Variants in DMD observed in about 807,000 individuals in gnomAD.
DMD encodes mutant dystrophin.
DMD carries 63 observed loss-of-function variants against 330.1 expected under a neutral mutation model. The ratio of observed to expected loss-of-function variants is 0.19; its 90% CI spans 0.16 to 0.24. The LOEUF is 0.24. Ranked by LOEUF, DMD falls within the 10% of genes least tolerant of loss-of-function variation. The pLI is 1.00. For missense variants in DMD, 3,344 were observed against 2,684.1 expected, an observed-to-expected ratio of 1.25 and a Z score of -5.43; for synonymous variants, 1,223 against 959.8, an observed-to-expected ratio of 1.27 and a Z score of -5.07.
rs139668163 is a variant in DMD, at chrX:32,624,800, C to G, written c.1332-10347G>C. On this transcript the variant is annotated intron_variant, in intron 11 of 78. Transcript: ENST00000357033. ...TTACTCGAGAGCTGTCATCCCACCC[C>G]CGGACATGAAAACGTATCTGTATGA... 3.8e-4 allele frequency among the ~76,000 whole-genome samples: 43 copies of G among 112,100 alleles called. No individual in the cohort carries two copies. The East Asian group carries it at 7.9e-3, about 21-fold the overall frequency.
At chrX:31,763,717 C>T (rs2089794639) in intron 51 of DMD, among the ~76,000 whole-genome samples, 1 of 112,010 alleles carries the variant, frequency 8.9e-6, no homozygotes, top group Admixed American at 9.5e-5. Context: ...TATTAATCAA[C>T]TTTAAGGAGT....
chrX:32,363,826 T>C (rs1170140395), intron 36 of DMD, among the ~76,000 whole-genome samples: 4 of 111,931 alleles, frequency 3.6e-5, no homozygotes, highest in Non-Finnish European at 7.5e-5. Context: ...AACTAATCAA[T>C]AAATTTATCA....
At position 32,586,450 on chromosome X, in the gene DMD, T is replaced by C. The variant is rs1323645612; in HGVS notation, c.1602+9307A>G. ...GGACAGGTGCTAAAATAAATAAATA[T>C]ATATGTTTATATTATATATATTTGT... On this transcript the variant is annotated intron_variant, in intron 13 of 78. Transcript: ENST00000357033. 5.5e-5 allele frequency among the ~76,000 whole-genome samples: 6 copies of C among 108,473 alleles called. No homozygotes were observed. In the Admixed American group the frequency reaches 5.9e-4, roughly 11 times the overall value. The allele number at this position is 108,473 out of a possible 115,157, so 94.2% of individuals were successfully genotyped here.
chrX:33,079,887 T>G (rs968003006), intron 1 of DMD, among the ~76,000 whole-genome samples: 2 of 111,685 alleles, frequency 1.8e-5, no homozygotes, highest in African/African-American at 6.5e-5. Flanking sequence ...TAACTGAATT[T>G]GTCTCTTCTC....
chrX:32,759,025 T>G (rs894565652), intron 7 of DMD, among the ~76,000 whole-genome samples: 5 of 110,612 alleles, frequency 4.5e-5, no homozygotes, highest in African/African-American at 6.6e-5. Context: ...ATACTCATTT[T>G]ATCTTATCCA....
intron 44 of DMD, among the ~76,000 whole-genome samples, chrX:32,097,956 C>A (rs2096519678): frequency 9.0e-6 from 1 of 111,110 alleles, no homozygotes; most frequent in Non-Finnish European, 1.9e-5. Flanking sequence ...CTTTGCACAT[C>A]TTCTTTACAA....
chrX:31,341,891 G>GCGCGCACACACACA (rs374298104), intron 61 of DMD, among the ~76,000 whole-genome samples: 2 of 98,876 alleles, frequency 2.0e-5, no homozygotes, highest in African/African-American at 7.3e-5. Flanking sequence ...GTGCGCGCGC[G>GCGCGCACACACACA]CACACACACA....
intron 55 of DMD, among the ~76,000 whole-genome samples, chrX:31,621,593 A>G: frequency 8.9e-6 from 1 of 111,941 alleles, no homozygotes; most frequent in South Asian, 3.8e-4. Context: ...TGCATTTTAC[A>G]TATATCTTAT....
chrX:31,440,494 G>A (rs966813251), intron 60 of DMD, among the ~76,000 whole-genome samples: 2 of 111,927 alleles, frequency 1.8e-5, no homozygotes, highest in Admixed American at 9.5e-5. Flanking sequence ...TTGAGAAGAG[G>A]AGACAAAAAG....
intron 55 of DMD, among the ~76,000 whole-genome samples, chrX:31,596,367 A>G (rs745354020): frequency 1.8e-5 from 2 of 112,203 alleles, no homozygotes; most frequent in South Asian, 7.4e-4. Flanking sequence ...AAGCATAAGG[A>G]AAGTTCATGT....
At chrX:33,267,144 T>C (rs1366931457) in intron 1 of DMD, among the ~76,000 whole-genome samples, 2 of 110,282 alleles carry the variant, frequency 1.8e-5, no homozygotes, top group African/African-American at 6.6e-5. Context: ...TTTAACGAGG[T>C]TTCAAGATAT....
At position 32,128,119 on chromosome X, in the gene DMD, A is replaced by C. The variant is rs1039206339; in HGVS notation, c.6438+88797T>G. 4.4e-5 allele frequency among the ~76,000 whole-genome samples: 5 copies of C among 112,568 alleles called. No homozygotes were observed. In the East Asian group the frequency reaches 1.4e-3, roughly 31 times the overall value. On this transcript the variant is annotated intron_variant, in intron 44 of 78. Transcript: ENST00000357033. ...CTTTCTATATAGGTATACTTTTTAC[A>C]TGCATTAATTTCACTGTAAAACAAG...
intron 54 of DMD, among the ~76,000 whole-genome samples, chrX:31,632,267 G>T (rs2079173033): frequency 9.0e-6 from 1 of 111,613 alleles, no homozygotes; most frequent in African/African-American, 3.3e-5. Flanking sequence ...TAAGCCTAAA[G>T]AGCTTAATTA....
chrX:31,231,707 C>T (rs1168510830), intron 63 of DMD, among the ~76,000 whole-genome samples: 1 of 112,058 alleles, frequency 8.9e-6, no homozygotes, highest in Non-Finnish European at 1.9e-5. Context: ...GGCGAAACCC[C>T]GTCTCTACTA....
intron 62 of DMD, among the ~76,000 whole-genome samples, chrX:31,306,916 G>T (rs1385733699): frequency 1.8e-5 from 2 of 111,064 alleles, no homozygotes; most frequent in Admixed American, 1.9e-4. Flanking sequence ...TTCTTATTCA[G>T]TCTTTTTAAT....
chrX:32,700,648 G>A (rs753461258), intron 7 of DMD, among the ~76,000 whole-genome samples: 1 of 111,172 alleles, frequency 9.0e-6, no homozygotes, highest in Non-Finnish European at 1.9e-5. Context: ...TCAAAACATC[G>A]TGTTGTACAT....
chrX:31,612,729 C>T (rs2077991418), intron 55 of DMD, among the ~76,000 whole-genome samples: 1 of 111,436 alleles, frequency 9.0e-6, no homozygotes, highest in African/African-American at 3.3e-5. Flanking sequence ...AAACTATAGA[C>T]AAAGAAAAGC....
intron 1 of DMD, among the ~76,000 whole-genome samples, chrX:33,204,670 C>T (rs2051465817): frequency 9.0e-6 from 1 of 111,114 alleles, no homozygotes; most frequent in South Asian, 3.8e-4. Flanking sequence ...AGAATACTAT[C>T]GCCAGAGCAT....
intron 7 of DMD, among the ~76,000 whole-genome samples, chrX:32,790,680 G>A (rs1314653085): frequency 9.0e-6 from 1 of 111,609 alleles, no homozygotes; most frequent in Non-Finnish European, 1.9e-5. Context: ...CAACAGAGGG[G>A]TGGCCACTCA....
Sources: allele counts gnomAD v4.1 joint callset (sites outside exome capture counted in the v4.1 genomes callset), GRCh38; gene constraint gnomAD v4.1.1; transcripts MANE v1.5; gene names NCBI Gene and HGNC (gene_info 2026-07-23, HGNC 2026-07-21).